Variants in RBFOX1 observed in about 807,000 individuals in gnomAD.
RBFOX1 encodes RNA binding protein fox-1 homolog 1.
RBFOX1 carries 8 observed loss-of-function variants against 57.7 expected under a neutral mutation model. That is an observed-to-expected ratio of 0.14 (90% confidence interval 0.08 to 0.25). RBFOX1 has a LOEUF of 0.25. RBFOX1 is among the 10% of genes least tolerant of loss of function. The pLI is 1.00. For missense variants in RBFOX1, 611 were observed against 548.5 expected (o/e 1.11, Z -1.14); for synonymous variants, 326 against 222.4 (o/e 1.47, Z -4.15).
At chr16:7,129,919 C>G (rs1423476665) in intron 4 of RBFOX1, among the ~76,000 whole-genome samples, 1 of 151,988 alleles carries the variant, frequency 6.6e-6, no homozygotes, top group Non-Finnish European at 1.5e-5. Context: ...AAGTGGAACC[C>G]TGCTTTGTTT....
At chr16:5,256,095 G>T (rs2062584983) in intron 1 of RBFOX1, among the ~76,000 whole-genome samples, 1 of 152,146 alleles carries the variant, frequency 6.6e-6, no homozygotes, top group South Asian at 2.1e-4. Flanking sequence ...TGAACCAGTA[G>T]TGACATACAG....
chr16:5,600,643 A>T (rs186730262), downstream of RBFOX1, among the ~76,000 whole-genome samples: 4 of 152,136 alleles, frequency 2.6e-5, no homozygotes, highest in Admixed American at 2.6e-4. Context: ...TGTAAACTGG[A>T]ATCTGTAAGG....
At chr16:5,375,492 G>T (rs1433499755) in intron 1 of RBFOX1, among the ~76,000 whole-genome samples, 7 of 152,172 alleles carry the variant, frequency 4.6e-5, no homozygotes, top group African/African-American at 1.7e-4. Context: ...GGTGTTCTGT[G>T]GGGAGGGCCA....
At chr16:5,997,936 C>G (rs1454296762) in intron 4 of RBFOX1, among the ~76,000 whole-genome samples, 2 of 152,144 alleles carry the variant, frequency 1.3e-5, no homozygotes, top group Non-Finnish European at 2.9e-5. Context: ...TCCGACATCT[C>G]TTGAACAATA....
intron 3 of RBFOX1, among the ~76,000 whole-genome samples, chr16:6,758,661 T>C (rs1260951708): frequency 6.6e-6 from 1 of 152,178 alleles, no homozygotes; most frequent in Admixed American, 6.5e-5. Context: ...ACTGTGTTAG[T>C]AGCAAGACAC....
chr16:7,080,749 C>T (rs1279348015), intron 4 of RBFOX1, among the ~76,000 whole-genome samples: 1 of 152,120 alleles, frequency 6.6e-6, no homozygotes, highest in Non-Finnish European at 1.5e-5. Flanking sequence ...CAACCCTCTC[C>T]ATCTCTCCTC....
intron 1 of RBFOX1, among the ~76,000 whole-genome samples, chr16:5,447,378 ATCTCTCTCTCTCTCTC>A (rs71142623): frequency 7.4e-6 from 1 of 134,360 alleles, no homozygotes; most frequent in Admixed American, 7.3e-5. Context: ...CAATCAATCA[ATCTCTCTCTCTCTCTC>A]TCTCTCTCTC....
At chr16:7,133,551 C>G (rs141503875) in intron 4 of RBFOX1, among the ~76,000 whole-genome samples, 88 of 152,236 alleles carry the variant, frequency 5.8e-4, no homozygotes, top group African/African-American at 2.1e-3. Context: ...GAGAGAGCAG[C>G]TCTTGTCTTA....
At chr16:5,914,704 G>A (rs2058670191) in intron 4 of RBFOX1, among the ~76,000 whole-genome samples, 1 of 152,138 alleles carries the variant, frequency 6.6e-6, no homozygotes, top group Non-Finnish European at 1.5e-5. Flanking sequence ...AGACCATCCT[G>A]GCTAACATGG....
In RBFOX1 at chr16:7,011,005, GTTGT is replaced by G. The variant is rs762680756; in HGVS notation, c.-15-41041_-15-41038del. ...TGTTCTTTCCTGTTATATTTTGTTTGTTGTTTGTTTGTTTTTATTTCAAGTCAAT... is the reference window on the plus strand; with the variant it reads ...TGTTCTTTCCTGTTATATTTTGTTTGTTGTTTGTTTTTATTTCAAGTCAAT... On this transcript the variant is annotated intron_variant, in intron 3 of 15. Coordinates refer to ENST00000550418, the MANE Select transcript of RBFOX1 (RefSeq NM_018723.4). Among the ~76,000 whole-genome samples the G allele has an allele frequency of 7.2e-5, 11 of 151,804 alleles. No individual in the cohort carries two copies. The South Asian group carries it at 1.7e-3, about 23-fold the overall frequency.
chr16:7,032,639 C>G (rs569195988), intron 3 of RBFOX1, among the ~76,000 whole-genome samples: 4 of 152,062 alleles, frequency 2.6e-5, no homozygotes, highest in Non-Finnish European at 4.4e-5. Context: ...CCTCCTCAAG[C>G]TAATTGCTTG....
At chr16:5,397,948 C>T (rs1010207435) in intron 1 of RBFOX1, among the ~76,000 whole-genome samples, 6 of 152,160 alleles carry the variant, frequency 3.9e-5, no homozygotes, top group Non-Finnish European at 7.3e-5. Flanking sequence ...ACAAGACATT[C>T]GAGGTCCTTG....
intron 3 of RBFOX1, among the ~76,000 whole-genome samples, chr16:5,716,314 A>C (rs1009910032): frequency 2.0e-5 from 3 of 152,172 alleles, no homozygotes; most frequent in African/African-American, 7.2e-5. Context: ...ACACAGATAA[A>C]CTTATGGGAG....
At chr16:6,385,234 A>T (rs567178056) in intron 2 of RBFOX1, among the ~76,000 whole-genome samples, 5 of 152,370 alleles carry the variant, frequency 3.3e-5, no homozygotes, top group African/African-American at 4.8e-5. Context: ...TGGAAACAGG[A>T]ACAGGCAGTA....
rs572952405 is a variant in RBFOX1, at chr16:6,498,059, G to A, written c.-63-156544G>A. 3.3e-5 allele frequency among the ~76,000 whole-genome samples: 5 copies of A among 151,988 alleles called. No homozygotes were observed. In the East Asian group the frequency reaches 9.8e-4, roughly 30 times the overall value. ...AGGTCAAGAGTTTGAGACCAGCCTT[G>A]CCAGCATGATGAAACCCCGTCTCTA... On this transcript the variant is annotated intron_variant, in intron 2 of 15. Coordinates refer to ENST00000550418, the MANE Select transcript of RBFOX1 (RefSeq NM_018723.4).
intron 1 of RBFOX1, among the ~76,000 whole-genome samples, chr16:6,252,431 C>A (rs1406107091): frequency 6.6e-6 from 1 of 152,056 alleles, no homozygotes; most frequent in African/African-American, 2.4e-5. Context: ...AAGCATCTTC[C>A]AAGTTGTTCT....
intron 2 of RBFOX1, among the ~76,000 whole-genome samples, chr16:6,472,241 A>G (rs73524606): frequency 0.024 from 3,626 of 152,306 alleles, 119 homozygotes; most frequent in African/African-American, 0.071. Context: ...GATGAAGGCC[A>G]GGCTGTGAGA....
intron 4 of RBFOX1, among the ~76,000 whole-genome samples, chr16:5,955,989 T>C (rs757859347): frequency 6.6e-6 from 1 of 152,130 alleles, no homozygotes; most frequent in Non-Finnish European, 1.5e-5. Flanking sequence ...TGGCCATGCA[T>C]GGTGGCTCGT....
intron 4 of RBFOX1, among the ~76,000 whole-genome samples, chr16:7,123,093 G>A (rs1394555141): frequency 6.6e-6 from 1 of 152,108 alleles, no homozygotes; most frequent in East Asian, 1.9e-4. Flanking sequence ...AGTTTTTGGG[G>A]TGATGGAACT....
Sources: allele counts gnomAD v4.1 joint callset (sites outside exome capture counted in the v4.1 genomes callset), GRCh38; gene constraint gnomAD v4.1.1; transcripts MANE v1.5; gene names NCBI Gene and HGNC (gene_info 2026-07-23, HGNC 2026-07-21).